The following TOM1L1 variants were observed in gnomAD, a reference collection of about 807,000 sequenced individuals.
TOM1L1 encodes the protein TOM1-like protein 1.
Under a neutral mutation model 63.4 loss-of-function variants are expected in TOM1L1, and 64 were observed. The ratio of observed to expected loss-of-function variants is 1.01; its 90% CI spans 0.83 to 1.24. TOM1L1 has a LOEUF of 1.24. Ranked by LOEUF, TOM1L1 falls within the 50% of genes most tolerant of loss-of-function variation. The pLI is 0.00. For missense variants in TOM1L1, 536 were observed against 567.0 expected (o/e 0.95, Z 0.55); for synonymous variants, 166 against 194.4 (o/e 0.85, Z 1.22).
At chr17:54,930,619 C>G (rs1159282257) in intron 8 of TOM1L1, among the ~76,000 whole-genome samples, 1 of 152,136 alleles carries the variant, frequency 6.6e-6, no homozygotes. Flanking sequence ...GTGGGCAGAT[C>G]ATTTGAGGTC....
chr17:54,938,006 C>T (rs188425678), intron 10 of TOM1L1: 7 of 152,152 alleles, frequency 4.6e-5, no homozygotes, highest in Non-Finnish European at 8.8e-5. Context: ...CTGCTGTTTC[C>T]GGAGTAAAAA....
At chr17:54,948,480 T>A (rs911952904) in intron 12 of TOM1L1, among the ~76,000 whole-genome samples, 14 of 152,182 alleles carry the variant, frequency 9.2e-5, no homozygotes, top group African/African-American at 3.4e-4. Context: ...CTTCAGAGAC[T>A]GTGAACTTGT....
intron 3 of TOM1L1, among the ~76,000 whole-genome samples, chr17:54,908,811 G>A (rs1598004239): frequency 6.6e-6 from 1 of 152,188 alleles, no homozygotes; most frequent in Admixed American, 6.5e-5. Flanking sequence ...GAAAGTGGTC[G>A]AACAGGTTCC....
chr17:54,947,371 A>G, intron 12 of TOM1L1, 59 bp downstream of exon 12: 1 of 1,543,428 alleles, frequency 6.5e-7, no homozygotes, highest in Non-Finnish European at 9.0e-7. Flanking sequence ...TGTAGCCAGA[A>G]AAGAACTCAT....
At chr17:54,930,377 A>G (rs2048839024) in intron 8 of TOM1L1, 171 bp downstream of exon 8, 1 of 776,180 alleles carries the variant, frequency 1.3e-6, no homozygotes, top group East Asian at 2.8e-5. Context: ...TACAGCTCCT[A>G]CTCAGTAAAT....
At chr17:54,934,007 C>T (rs1337285580) in intron 8 of TOM1L1, among the ~76,000 whole-genome samples, 1 of 152,168 alleles carries the variant, frequency 6.6e-6, no homozygotes, top group Non-Finnish European at 1.5e-5. Context: ...TCACGGAATA[C>T]ACAATTTACG....
chr17:54,930,968 A>T (rs1598032266), intron 8 of TOM1L1, among the ~76,000 whole-genome samples: 1 of 152,158 alleles, frequency 6.6e-6, no homozygotes, highest in Non-Finnish European at 1.5e-5. Context: ...TGAGACCAGG[A>T]ATTTGAGGCT....
At chr17:54,924,365 C>T (rs4573987) in intron 7 of TOM1L1, among the ~76,000 whole-genome samples, 34,904 of 150,990 alleles carry the variant, frequency 0.23, 4,512 homozygotes, top group South Asian at 0.31. Context: ...CTGCAACCTC[C>T]GCCTCCCATG....
At chr17:54,950,569 T>C (rs2049205691) in intron 14 of TOM1L1, among the ~76,000 whole-genome samples, 1 of 152,224 alleles carries the variant, frequency 6.6e-6, no homozygotes, top group Non-Finnish European at 1.5e-5. Context: ...ACTTTTTACT[T>C]AAAATCCTTA....
At chr17:54,944,455 A>G (rs2049085348) in intron 11 of TOM1L1, among the ~76,000 whole-genome samples, 1 of 152,116 alleles carries the variant, frequency 6.6e-6, no homozygotes, top group Non-Finnish European at 1.5e-5. Flanking sequence ...ATCTCAAAAA[A>G]AAAAAAAAAT....
rs143555749 is a variant in TOM1L1 at position 54,903,603 on chromosome 17, G to A, written c.59-105G>A. ...AAAAATCACTTTGCCCTTTGGCAAT[G>A]TAAACTTAATGACACTTGCTGGTGC... On this transcript the variant is annotated intron_variant, in intron 1 of 15. Transcript: ENST00000575882. The A allele has an allele frequency of 5.7e-4, 592 of 1,029,878 alleles. 3 individuals are homozygous for A. Among genetic ancestry groups the A allele is most frequent in the Middle Eastern group, 5.6e-3 (24 of 4,270 alleles). 63.8% of individuals were successfully genotyped at this position (1,029,878 alleles called of 1,614,324 possible).
intron 3 of TOM1L1, among the ~76,000 whole-genome samples, chr17:54,908,454 G>T (rs1238099925): frequency 6.6e-6 from 1 of 152,180 alleles, no homozygotes; most frequent in Non-Finnish European, 1.5e-5. Context: ...ACCTATGTCT[G>T]TCAAAAGCAA....
At chr17:54,934,804 G>A (rs572513612) in intron 8 of TOM1L1, among the ~76,000 whole-genome samples, 24 of 151,182 alleles carry the variant, frequency 1.6e-4, no homozygotes, top group East Asian at 5.8e-4. Context: ...TGCAACCTCC[G>A]CCTCCCAGGT....
intron 8 of TOM1L1, among the ~76,000 whole-genome samples, chr17:54,932,656 G>A (rs1383230853): frequency 6.6e-6 from 1 of 152,034 alleles, no homozygotes; most frequent in East Asian, 1.9e-4. Context: ...CTTGACCTCA[G>A]GTGATCCACC....
Position 54,961,646 on chromosome 17 carries a change from CA to C in TOM1L1, c.*414del, listed in dbSNP as rs1309635364. The C allele has an allele frequency of 9.1e-7, 1 of 1,095,194 alleles. No homozygotes were observed. The highest frequency in any genetic ancestry group is 1.7e-5 in the African/African-American group (1 of 59,940). 67.8% of individuals were successfully genotyped at this position (1,095,194 alleles called of 1,614,324 possible). A position where few individuals can be genotyped will look rare whatever the true frequency, so the allele number is the denominator to read the frequency against. On this transcript the variant is annotated 3_prime_UTR_variant, in exon 16 of 16. Transcript: ENST00000575882. ...AATGTGAGAAACTGAATGTATTATT[CA>C]GGAAGAATACTGAGTGCCTTCATTT...
intron 5 of TOM1L1, among the ~76,000 whole-genome samples, 166 bp from the exon 6 acceptor site, chr17:54,914,473 C>T (rs530847250): frequency 6.6e-6 from 1 of 152,156 alleles, no homozygotes; most frequent in African/African-American, 2.4e-5. Context: ...ATTTGCTTAG[C>T]ATTCTTCACA....
chr17:54,903,136 C>A (rs1394263917), intron 1 of TOM1L1, among the ~76,000 whole-genome samples: 1 of 152,160 alleles, frequency 6.6e-6, no homozygotes, highest in Non-Finnish European at 1.5e-5. Context: ...AATGTTTTGG[C>A]TCCTAAGAAC....
chr17:54,947,478 C>T (rs2049139881), intron 12 of TOM1L1, 166 bp downstream of exon 12: 1 of 656,090 alleles, frequency 1.5e-6, no homozygotes, highest in Non-Finnish European at 2.7e-6. Flanking sequence ...TTTGTATTTG[C>T]TATCTCCACT....
intron 14 of TOM1L1, chr17:54,958,396 T>C (rs1308927288): frequency 6.6e-6 from 1 of 152,174 alleles, no homozygotes; most frequent in Admixed American, 6.5e-5. Context: ...AGACAGTAAG[T>C]ACAGATAACT....
Sources: allele counts gnomAD v4.1 joint callset (sites outside exome capture counted in the v4.1 genomes callset), GRCh38; gene constraint gnomAD v4.1.1; transcripts MANE v1.5; gene names NCBI Gene and HGNC (gene_info 2026-07-23, HGNC 2026-07-21).